The following ZMIZ1 variants were observed in gnomAD, a reference collection of about 807,000 sequenced individuals.
ZMIZ1 encodes the protein zinc finger MIZ domain-containing protein 1.
A neutral mutation model predicts 113.9 loss-of-function variants in ZMIZ1; 17 were observed. The ratio of observed to expected loss-of-function variants is 0.15; its 90% CI spans 0.10 to 0.22. The LOEUF (loss-of-function observed/expected upper bound fraction) is 0.22. Among genes scored for constraint, ZMIZ1 ranks in the 10% least tolerant of loss-of-function variants. ZMIZ1 has a pLI of 1.00. For synonymous variants in ZMIZ1, 607 were observed against 603.1 expected (o/e 1.01, Z -0.09); for missense variants, 1,059 against 1,477.8 (o/e 0.72, Z 4.65).
At chr10:79,297,790 G>A in intron 14 of ZMIZ1, 100 bp downstream of exon 14, 1 of 1,053,724 alleles carries the variant, frequency 9.5e-7, no homozygotes, top group Non-Finnish European at 1.4e-6. Context: ...ATTCAAAGGG[G>A]CCCATGGGTG....
intron 2 of ZMIZ1, among the ~76,000 whole-genome samples, chr10:79,127,002 C>T (rs1225343921): frequency 6.6e-6 from 1 of 152,198 alleles, no homozygotes. Flanking sequence ...GGGGCAGCCC[C>T]CACTACAGAC....
intron 4 of ZMIZ1, among the ~76,000 whole-genome samples, chr10:79,184,657 A>T (rs972933394): frequency 6.6e-6 from 1 of 152,000 alleles, no homozygotes; most frequent in Non-Finnish European, 1.5e-5. Flanking sequence ...AGACCTTTCA[A>T]TCTTTCTCTC....
At chr10:79,161,580 A>T (rs537714381) in intron 3 of ZMIZ1, among the ~76,000 whole-genome samples, 15 of 152,138 alleles carry the variant, frequency 9.9e-5, no homozygotes, top group South Asian at 2.1e-4. Flanking sequence ...GCCACCTGGG[A>T]CCTTGAGTCT....
intron 4 of ZMIZ1, among the ~76,000 whole-genome samples, chr10:79,165,162 C>T (rs891185738): frequency 3.3e-5 from 5 of 152,210 alleles, no homozygotes. Context: ...GGTGTAACCT[C>T]AGCAGCTCCC....
chr10:79,311,849 G>A (rs12219571), intron 24 of ZMIZ1, among the ~76,000 whole-genome samples: 57,325 of 151,704 alleles, frequency 0.38, 11,075 homozygotes, highest in East Asian at 0.49. Context: ...ACTGAGCACC[G>A]GCCCCGCCCA....
At chr10:79,219,197 G>A (rs146711850) in intron 7 of ZMIZ1, among the ~76,000 whole-genome samples, 1 of 152,248 alleles carries the variant, frequency 6.6e-6, no homozygotes, top group Non-Finnish European at 1.5e-5. Flanking sequence ...GAGGGAGAAG[G>A]AGACCTGGAG....
chr10:79,301,947 C>A (rs994313505), intron 17 of ZMIZ1, among the ~76,000 whole-genome samples, 160 bp from the exon 18 acceptor site: 1 of 152,120 alleles, frequency 6.6e-6, no homozygotes, highest in East Asian at 1.9e-4. Flanking sequence ...GGCAGCCTTT[C>A]CAGAGTAGTG....
chr10:79,212,329 TA>T (rs1348307515), intron 6 of ZMIZ1, among the ~76,000 whole-genome samples: 1 of 151,992 alleles, frequency 6.6e-6, no homozygotes, highest in Non-Finnish European at 1.5e-5. Context: ...GGCCAATTTT[TA>T]AATTTTTTTT....
In ZMIZ1 at chr10:79,175,583, C is replaced by CGCGT. The variant is rs1406237695; in HGVS notation, c.-50+13451_-50+13452insCGTG. Among the ~76,000 whole-genome samples, 93 of 125,382 alleles carry CGCGT rather than the reference C, an allele frequency of 7.4e-4. 2 individuals are homozygous for CGCGT. The highest frequency in any genetic ancestry group is 6.8e-3 in the Admixed American group (89 of 13,010). The allele number at this position is 125,382 out of a possible 152,430, so 82.3% of individuals were successfully genotyped here. On this transcript the variant is annotated intron_variant, in intron 4 of 24. Transcript: ENST00000334512. ...GGACTTCTCTAATCTGTGCACTCTG[C>CGCGT]GTGTGTGTGTGTGTGTGTGTGTGTG... is the stretch of plus-strand genomic sequence containing the variant.
At chr10:79,264,830 G>A (rs79790604) in intron 7 of ZMIZ1, among the ~76,000 whole-genome samples, 2 of 152,164 alleles carry the variant, frequency 1.3e-5, no homozygotes, top group Non-Finnish European at 2.9e-5. Context: ...ATTTATTGGG[G>A]TACCCCCAAA....
At chr10:79,228,173 C>T (rs750874943) in intron 7 of ZMIZ1, among the ~76,000 whole-genome samples, 2 of 152,272 alleles carry the variant, frequency 1.3e-5, no homozygotes. Context: ...TATTGAGCTA[C>T]TGCTTCATGC....
At position 79,313,004 on chromosome 10, in the gene ZMIZ1, C is replaced by T; in HGVS notation, c.*255C>T. ...CCTTGGCTTGGGCCCATGCCCAGCGCAGGCCTGAAGACCACCCTCCCGAGA... is the reference window on the plus strand; with the variant it reads ...CCTTGGCTTGGGCCCATGCCCAGCGTAGGCCTGAAGACCACCCTCCCGAGA... On this transcript the variant is annotated 3_prime_UTR_variant, in exon 25 of 25. Coordinates refer to ENST00000334512, the MANE Select transcript of ZMIZ1 (RefSeq NM_020338.4). 1 of 526,664 alleles carries T rather than the reference C, an allele frequency of 1.9e-6. No homozygotes were observed. Among genetic ancestry groups the T allele is most frequent in the South Asian group, 2.3e-5 (1 of 43,312 alleles). 32.6% of individuals were successfully genotyped at this position (526,664 alleles called of 1,614,324 possible).
At chr10:79,244,086 G>C (rs535506430) in intron 7 of ZMIZ1, among the ~76,000 whole-genome samples, 2 of 152,240 alleles carry the variant, frequency 1.3e-5, no homozygotes, top group East Asian at 1.9e-4. Flanking sequence ...AATAAGAATC[G>C]GCCAGGATGC....
intron 23 of ZMIZ1, among the ~76,000 whole-genome samples, chr10:79,310,464 A>C (rs956098331): frequency 6.6e-6 from 1 of 152,086 alleles, no homozygotes; most frequent in Admixed American, 6.5e-5. Context: ...ACGCCCGCCC[A>C]ATGCTGTCTG....
intron 1 of ZMIZ1, among the ~76,000 whole-genome samples, chr10:79,106,449 A>G (rs1312634350): frequency 6.6e-6 from 1 of 152,222 alleles, no homozygotes; most frequent in Non-Finnish European, 1.5e-5. Flanking sequence ...GTGGGAAGGA[A>G]GCCTGGGGGT....
chr10:79,310,411 G>T (rs773569855), intron 23 of ZMIZ1, among the ~76,000 whole-genome samples: 11 of 152,288 alleles, frequency 7.2e-5, no homozygotes, highest in Non-Finnish European at 1.6e-4. Context: ...CATCACCCCT[G>T]CCCAGGGCCC....
At chr10:79,074,814 C>T (rs1344175007) in intron 1 of ZMIZ1, among the ~76,000 whole-genome samples, 1 of 152,240 alleles carries the variant, frequency 6.6e-6, no homozygotes, top group African/African-American at 2.4e-5. Context: ...CAGGGAGCAG[C>T]CGGGCAGGCT....
chr10:79,299,535 A>G (rs1202052982), intron 16 of ZMIZ1, among the ~76,000 whole-genome samples: 1 of 152,210 alleles, frequency 6.6e-6, no homozygotes, highest in African/African-American at 2.4e-5. Flanking sequence ...AGTGTGACTC[A>G]TGTGGCCAGA....
chr10:79,161,653 A>G (rs967624405), intron 3 of ZMIZ1, among the ~76,000 whole-genome samples: 3 of 152,160 alleles, frequency 2.0e-5, no homozygotes, highest in Admixed American at 6.5e-5. Context: ...CTTTTGTATC[A>G]TTTGATTCTT....
Sources: gnomAD v4.1 joint callset for allele counts (sites outside exome capture counted in the v4.1 genomes callset) on GRCh38, gnomAD v4.1.1 for gene constraint, MANE v1.5 for transcripts, NCBI Gene and HGNC (gene_info 2026-07-23, HGNC 2026-07-21) for gene names.